RETREG1: variants seen among roughly 807,000 people sequenced by gnomAD.
RETREG1 encodes reticulophagy regulator 1, also known as family with sequence similarity 134 member B.
RETREG1 carries 44 observed loss-of-function variants against 54.8 expected under a neutral mutation model. The ratio of observed to expected loss-of-function variants is 0.80; its 90% confidence interval spans 0.63 to 1.03. RETREG1 has a LOEUF of 1.03. RETREG1 is among the 50% of genes least tolerant of loss of function. RETREG1 has a pLI of 0.00. For missense variants in RETREG1, 554 were observed against 605.1 expected, an observed-to-expected ratio of 0.92 and a Z score of 0.89; for synonymous variants, 217 against 238.5, an observed-to-expected ratio of 0.91 and a Z score of 0.83.
chr5:16,560,027 C>T (rs1741814254), intron 3 of RETREG1, among the ~76,000 whole-genome samples: 1 of 152,194 alleles, frequency 6.6e-6, no homozygotes, highest in African/African-American at 2.4e-5. Flanking sequence ...CTGAGAACCA[C>T]ATTTTCACAA....
At position 16,576,602 on chromosome 5, in the gene RETREG1, C is replaced by T. The variant is rs370075921; in HGVS notation, c.321-4500G>A. On this transcript the variant is annotated intron_variant, in intron 1 of 8. Coordinates refer to ENST00000306320, the MANE Select transcript of RETREG1 (RefSeq NM_001034850.3). The stretch of plus-strand genomic sequence containing the variant: ...CCAGGTTCAAGCAATTCCCCTGCCT[C>T]AGCCTCCCGAGTAGCTGGGATTACA... Among the ~76,000 whole-genome samples, 92 of 152,348 alleles carry T rather than the reference C, an allele frequency of 6.0e-4. 1 individual carries two copies. Among genetic ancestry groups the T allele is most frequent in the African/African-American group, 2.0e-3 (85 of 41,582 alleles).
intron 3 of RETREG1, among the ~76,000 whole-genome samples, chr5:16,547,980 G>A (rs911873227): frequency 3.3e-5 from 5 of 151,848 alleles, no homozygotes; most frequent in Admixed American, 2.6e-4. Context: ...AAATAAATGG[G>A]GAGATTGGAC....
At chr5:16,602,735 C>G (rs533627268) in intron 1 of RETREG1, among the ~76,000 whole-genome samples, 35 of 152,242 alleles carry the variant, frequency 2.3e-4, no homozygotes, top group South Asian at 1.7e-3. Context: ...AGGCCGGGTG[C>G]AGTGGCTCAT....
At chr5:16,495,960 A>C (rs1307645699) in intron 3 of RETREG1, among the ~76,000 whole-genome samples, 1 of 152,104 alleles carries the variant, frequency 6.6e-6, no homozygotes, top group Non-Finnish European at 1.5e-5. Flanking sequence ...TCAAATTGCC[A>C]ATTGATTTAG....
chr5:16,599,503 G>A (rs770743996), intron 1 of RETREG1, among the ~76,000 whole-genome samples: 2 of 152,174 alleles, frequency 1.3e-5, no homozygotes, highest in Non-Finnish European at 2.9e-5. Flanking sequence ...TCTCAAGGGA[G>A]GTGAGCAGAG....
At chr5:16,511,161 G>A (rs903255221) in intron 3 of RETREG1, among the ~76,000 whole-genome samples, 4 of 152,176 alleles carry the variant, frequency 2.6e-5, no homozygotes, top group African/African-American at 4.8e-5. Flanking sequence ...CTTTACAGTG[G>A]TGCAAAACAA....
intron 3 of RETREG1, among the ~76,000 whole-genome samples, chr5:16,514,219 G>C (rs980448449): frequency 8.5e-5 from 13 of 152,118 alleles, no homozygotes; most frequent in Admixed American, 5.2e-4. Context: ...AGAGCTCAAG[G>C]CTCTCTAGGA....
In RETREG1 at chr5:16,585,883, C is replaced by T. The variant is rs1742613891; in HGVS notation, c.321-13781G>A. 6.6e-6 allele frequency among the ~76,000 whole-genome samples: 1 copy of T among 152,042 alleles called. No homozygotes were observed. Among genetic ancestry groups the T allele is most frequent in the Admixed American group, 6.6e-5 (1 of 15,266 alleles). On this transcript the variant is annotated intron_variant, in intron 1 of 8. Coordinates refer to ENST00000306320, the MANE Select transcript of RETREG1 (RefSeq NM_001034850.3). This position sits in a 1 kb window ranked among gnomAD's most constrained non-coding sequence, Gnocchi z 4.5. ...ACTACCAGATCTTGAAGAGAACTTA[C>T]TATCTTGAGAACAGCACCAAGCTAT...
chr5:16,583,045 T>C (rs752331465), intron 1 of RETREG1, among the ~76,000 whole-genome samples: 4 of 152,264 alleles, frequency 2.6e-5, no homozygotes, highest in Admixed American at 6.5e-5. Flanking sequence ...GGCTCAGCAA[T>C]GCAGGAGGTC....
At chr5:16,596,804 G>A (rs187380007) in intron 1 of RETREG1, among the ~76,000 whole-genome samples, 32 of 152,244 alleles carry the variant, frequency 2.1e-4, no homozygotes, top group African/African-American at 7.2e-4. Flanking sequence ...GAAGCCCTGT[G>A]TCACACCTAA....
intron 1 of RETREG1, among the ~76,000 whole-genome samples, chr5:16,590,277 C>A (rs1742728666): frequency 6.6e-6 from 1 of 152,120 alleles, no homozygotes; most frequent in South Asian, 2.1e-4. Flanking sequence ...CCGATGGAGA[C>A]CACACACCTT....
intron 3 of RETREG1, among the ~76,000 whole-genome samples, chr5:16,485,860 CT>C (rs1442278640): frequency 6.6e-6 from 1 of 152,122 alleles, no homozygotes; most frequent in Non-Finnish European, 1.5e-5. Flanking sequence ...TTGCATCACA[CT>C]AAATGTGGAA....
At chr5:16,487,475 T>C (rs1353870604) in intron 3 of RETREG1, among the ~76,000 whole-genome samples, 5 of 152,168 alleles carry the variant, frequency 3.3e-5, no homozygotes, top group African/African-American at 1.2e-4. Context: ...TCCATCCTCG[T>C]AGCCAGTCCA....
chr5:16,553,151 G>T (rs758901192), intron 3 of RETREG1, among the ~76,000 whole-genome samples: 1 of 151,756 alleles, frequency 6.6e-6, no homozygotes, highest in Non-Finnish European at 1.5e-5. Context: ...CTGCCATATC[G>T]TAAACTCAGA....
Position 16,474,707 on chromosome 5 carries a change from G to GTTTTTTTTTTT in RETREG1, c.*33_*34insAAAAAAAAAAA. On this transcript the variant is annotated 3_prime_UTR_variant, in exon 9 of 9. Coordinates refer to ENST00000306320, the MANE Select transcript of RETREG1 (RefSeq NM_001034850.3). ...TTTTCTTGTTTGAAATTTTTTTGGT[G>GTTTTTTTTTTT]TTTTTTGTGCTCTGTTGCAAGCTGA... 2 of 1,372,062 alleles carry GTTTTTTTTTTT rather than the reference G, an allele frequency of 1.5e-6. No individual in the cohort carries two copies. The highest frequency in any genetic ancestry group is 2.6e-5 in the East Asian group (1 of 37,782). 85.0% of individuals were successfully genotyped at this position (1,372,062 alleles called of 1,614,324 possible). A position where few individuals can be genotyped will look rare whatever the true frequency, so the allele number is the denominator to read the frequency against.
At chr5:16,551,393 C>T (rs761561482) in intron 3 of RETREG1, among the ~76,000 whole-genome samples, 4 of 152,198 alleles carry the variant, frequency 2.6e-5, no homozygotes, top group Non-Finnish European at 4.4e-5. Context: ...CCAGTTAATG[C>T]TGACTCCTTA....
rs533593923 is a variant in RETREG1 at position 16,522,847 on chromosome 5, T to A, written c.459-39375A>T. Among the ~76,000 whole-genome samples, 121 of 151,958 alleles carry A rather than the reference T, an allele frequency of 8.0e-4. 1 individual carries two copies. Among genetic ancestry groups the A allele is most frequent in the African/African-American group, 2.8e-3 (118 of 41,422 alleles). On this transcript the variant is annotated intron_variant, in intron 3 of 8. Coordinates refer to ENST00000306320, the MANE Select transcript of RETREG1 (RefSeq NM_001034850.3). ...TAGTGGGACCTTATCTCTTCAAAAA[T>A]TTTAAAAAGTTAGCTGAGCATGGTA...
chr5:16,477,528 A>G, intron 8 of RETREG1, 134 bp downstream of exon 8: 1 of 891,624 alleles, frequency 1.1e-6, no homozygotes, highest in South Asian at 1.6e-5. Context: ...TCAGGACTTC[A>G]TTTTTATAGC....
At chr5:16,537,102 C>G (rs778483703) in intron 3 of RETREG1, among the ~76,000 whole-genome samples, 1 of 152,204 alleles carries the variant, frequency 6.6e-6, no homozygotes, top group South Asian at 2.1e-4. Flanking sequence ...ATCAGCTATG[C>G]GATCAAAGAG....
Sources: allele counts gnomAD v4.1 joint callset (sites outside exome capture counted in the v4.1 genomes callset), GRCh38; gene constraint gnomAD v4.1.1; non-coding constraint Gnocchi (gnomAD v3.1); transcripts MANE v1.5; gene names NCBI Gene and HGNC (gene_info 2026-07-23, HGNC 2026-07-21).